SGK1: variants seen among roughly 807,000 people sequenced by gnomAD.
SGK1 encodes serine/threonine-protein kinase Sgk1.
In SGK1, 26 loss-of-function variants were observed where a neutral mutation model predicts 64.2. The observed-to-expected ratio is 0.40, with a 90% CI of 0.30 to 0.56. The LOEUF is 0.56. Ranked by LOEUF, SGK1 falls within the 20% of genes least tolerant of loss-of-function variation. The pLI, the probability that SGK1 is intolerant of heterozygous loss-of-function variation, is 0.38. For synonymous variants in SGK1, 265 were observed against 239.7 expected (o/e 1.11, Z -0.98); for missense variants, 519 against 645.6 (o/e 0.80, Z 2.12).
chr6:134,223,041 A>G (rs1440876898), intron 2 of SGK1, among the ~76,000 whole-genome samples: 1 of 152,194 alleles, frequency 6.6e-6, no homozygotes, highest in African/African-American at 2.4e-5. Context: ...CAAGAACCCA[A>G]ATATAGCTAT....
intron 3 of SGK1, among the ~76,000 whole-genome samples, chr6:134,179,309 T>G (rs1169444884): frequency 1.3e-5 from 2 of 152,114 alleles, no homozygotes; most frequent in Non-Finnish European, 2.9e-5. Flanking sequence ...CTATGAAGAG[T>G]TTAAGTTCCC....
chr6:134,182,078 A>G (rs9493848), intron 3 of SGK1, among the ~76,000 whole-genome samples: 112,118 of 151,630 alleles, frequency 0.74, 42,661 homozygotes, highest in African/African-American at 0.91. Flanking sequence ...GGCTGATCTC[A>G]AACTCCTGAG....
intron 3 of SGK1, among the ~76,000 whole-genome samples, chr6:134,186,073 G>C (rs1775418970): frequency 6.6e-6 from 1 of 152,066 alleles, no homozygotes; most frequent in Non-Finnish European, 1.5e-5. Flanking sequence ...ATAATGCTTT[G>C]CCAGTTCTCT....
At chr6:134,266,067 T>G (rs1776850835) in intron 1 of SGK1, among the ~76,000 whole-genome samples, 2 of 152,004 alleles carry the variant, frequency 1.3e-5, no homozygotes, top group African/African-American at 4.8e-5. Context: ...CACTGCAGCC[T>G]CCTCCTCCCT....
At chr6:134,280,037 T>TA (rs1019010826) in intron 1 of SGK1, among the ~76,000 whole-genome samples, 3 of 151,336 alleles carry the variant, frequency 2.0e-5, no homozygotes, top group Admixed American at 1.3e-4. Flanking sequence ...TACAATAAGA[T>TA]AAAAAAATAT....
Position 134,220,114 on chromosome 6 carries a change from A to G in SGK1, c.286-12683T>C, listed in dbSNP as rs183258798. Reference sequence around the variant, plus strand: ...AAAAGAAAAGAAAAGAAAAACACATATAATTAAATTATTAAGTAAAAATTA... The same window carrying G: ...AAAAGAAAAGAAAAGAAAAACACATGTAATTAAATTATTAAGTAAAAATTA... On this transcript the variant is annotated intron_variant, in intron 2 of 13. Transcript: ENST00000367858. Among the ~76,000 whole-genome samples, 3 of 150,234 alleles carry G rather than the reference A, an allele frequency of 2.0e-5. No homozygotes were observed. In the Admixed American group the frequency reaches 2.0e-4, roughly 10 times the overall value.
At chr6:134,176,574 C>G (rs1400326687) in intron 3 of SGK1, among the ~76,000 whole-genome samples, 1 of 152,160 alleles carries the variant, frequency 6.6e-6, no homozygotes, top group Non-Finnish European at 1.5e-5. Flanking sequence ...CAAGTTACCA[C>G]TATTCGCAGG....
intron 3 of SGK1, among the ~76,000 whole-genome samples, chr6:134,176,289 A>C (rs1775231727): frequency 6.6e-6 from 1 of 152,158 alleles, no homozygotes; most frequent in Non-Finnish European, 1.5e-5. Context: ...AGGGCTTCTT[A>C]GTTTTGCCAC....
intron 1 of SGK1, among the ~76,000 whole-genome samples, chr6:134,294,604 G>A (rs1038482786): frequency 2.6e-5 from 4 of 151,952 alleles, no homozygotes; most frequent in African/African-American, 4.8e-5. Flanking sequence ...GCATTATCTC[G>A]GCTCACTGCA....
intron 2 of SGK1, among the ~76,000 whole-genome samples, chr6:134,253,457 C>A (rs78760649): frequency 0.041 from 6,179 of 151,966 alleles, 224 homozygotes; most frequent in East Asian, 0.12. Context: ...CGAAACCAGA[C>A]TGAGCAACAG....
intron 1 of SGK1, chr6:134,297,243 A>C: frequency 1.7e-6 from 2 of 1,146,046 alleles, no homozygotes; most frequent in Non-Finnish European, 2.6e-6. Context: ...GCCCTCCAGC[A>C]GCTTCCTGTA....
intron 1 of SGK1, among the ~76,000 whole-genome samples, chr6:134,289,362 GA>G (rs1300720344): frequency 2.0e-5 from 3 of 152,340 alleles, no homozygotes; most frequent in African/African-American, 7.2e-5. Context: ...GGGATAAACA[GA>G]TGAATAATTG....
At chr6:134,285,900 G>A (rs754882365) in intron 1 of SGK1, among the ~76,000 whole-genome samples, 2 of 152,156 alleles carry the variant, frequency 1.3e-5, no homozygotes, top group Non-Finnish European at 2.9e-5. Context: ...TGGCTGAGAG[G>A]ACGGAGTTGC....
In SGK1 at chr6:134,171,176, C is replaced by T. The variant is rs190276895; in HGVS notation, c.1170G>A (p.Pro390=). The T allele has an allele frequency of 2.4e-5, 39 of 1,613,680 alleles. No individual in the cohort carries two copies. In the Admixed American group the frequency reaches 3.5e-4, roughly 14 times the overall value. ...AVLYEMLYGL[P]PFYSRNTAEM... is the part of the protein sequence containing the mutation. ...CAGCTGTGTTTCGGCTATAAAAAGG[C>T]GGCTGAAAGAAGGGGAAAATTACTT... The change falls in exon 12 of 14, where the codon CCG becomes CCA. Residue 390 remains proline, a splice_region_variant and synonymous_variant. Transcript: ENST00000367858.
intron 1 of SGK1, among the ~76,000 whole-genome samples, chr6:134,269,438 C>T (rs925750184): frequency 4.1e-5 from 6 of 147,418 alleles, no homozygotes; most frequent in African/African-American, 1.5e-4. Flanking sequence ...GCAGGTGGAT[C>T]ATTTGAGGCC....
At chr6:134,203,576 A>G (rs948482699) in intron 3 of SGK1, among the ~76,000 whole-genome samples, 2 of 152,184 alleles carry the variant, frequency 1.3e-5, no homozygotes, top group Non-Finnish European at 2.9e-5. Context: ...TAAGATAAGC[A>G]CCTTAACTAT....
chr6:134,182,217 G>A (rs755298651), intron 3 of SGK1, among the ~76,000 whole-genome samples: 1 of 152,066 alleles, frequency 6.6e-6, no homozygotes, highest in South Asian at 2.1e-4. Context: ...GCTGTATAGC[G>A]GGGAGAGTTA....
intron 3 of SGK1, among the ~76,000 whole-genome samples, chr6:134,194,766 G>A (rs1457953863): frequency 2.0e-5 from 3 of 151,916 alleles, no homozygotes; most frequent in African/African-American, 7.3e-5. Context: ...CAAGTGATGC[G>A]CCCGCCTCGG....
At chr6:134,188,515 TTTTA>T (rs533330447) in intron 3 of SGK1, among the ~76,000 whole-genome samples, 219 of 152,332 alleles carry the variant, frequency 1.4e-3, no homozygotes, top group African/African-American at 4.9e-3. Context: ...GATTTTGTGA[TTTTA>T]TATATAGAGA....
Sources: gnomAD v4.1 joint callset for allele counts (sites outside exome capture counted in the v4.1 genomes callset) on GRCh38, gnomAD v4.1.1 for gene constraint, MANE v1.5 for transcripts, NCBI Gene and HGNC (gene_info 2026-07-23, HGNC 2026-07-21) for gene names.